MTCL2: variants seen among roughly 807,000 people sequenced by gnomAD.
The protein encoded by MTCL2 is microtubule crosslinking factor 2, also known as microtubule cross-linking factor 2.
the MTCL2 span, chr20:36,797,627 C>T: frequency 6.6e-7 from 1 of 1,510,276 alleles, no homozygotes; most frequent in Non-Finnish European, 9.0e-7. Context: ...GTATGCAGGA[C>T]CCTGCTCTAA....
At chr20:36,801,025 G>A in the MTCL2 span, among the ~76,000 whole-genome samples, 1 of 152,174 alleles carries the variant, frequency 6.6e-6, no homozygotes, top group South Asian at 2.1e-4. Flanking sequence ...GATGTTCACT[G>A]AGGCACAACT....
the MTCL2 span, chr20:36,793,188 A>G: frequency 6.8e-7 from 1 of 1,478,700 alleles, no homozygotes; most frequent in Non-Finnish European, 9.0e-7. This position sits in a 1 kb window ranked among gnomAD's most constrained non-coding sequence, Gnocchi z 6.8. Flanking sequence ...AAACCAAAAG[A>G]GCTTGGACCT....
the MTCL2 span, chr20:36,816,065 C>A: frequency 6.2e-7 from 1 of 1,613,484 alleles, no homozygotes; most frequent in Non-Finnish European, 8.5e-7. Context: ...GGCGGCTCAG[C>A]AGGTTGGCTT....
chr20:36,830,533 A>T, the MTCL2 span, among the ~76,000 whole-genome samples: 1 of 152,148 alleles, frequency 6.6e-6, no homozygotes, highest in South Asian at 2.1e-4. Flanking sequence ...GTGCCACTGC[A>T]CTCCAGCCTA....
chr20:36,793,658 C>T, the MTCL2 span: 4 of 1,550,518 alleles, frequency 2.6e-6, no homozygotes, highest in Admixed American at 2.0e-5. The surrounding 1 kb of genome is among the most constrained non-coding windows in gnomAD (Gnocchi z 6.8). Flanking sequence ...GGTGGTGGAG[C>T]GGGCCCAGGC....
At chr20:36,796,845 G>A in the MTCL2 span, 5 of 1,609,714 alleles carry the variant, frequency 3.1e-6, no homozygotes, top group Middle Eastern at 1.7e-4. Flanking sequence ...TGTGGGGCCG[G>A]TCAGAGAGGC....
the MTCL2 span, chr20:36,793,552 T>C: frequency 6.4e-7 from 1 of 1,551,684 alleles, no homozygotes; most frequent in Non-Finnish European, 8.7e-7. The surrounding 1 kb of genome is among the most constrained non-coding windows in gnomAD (Gnocchi z 6.8). Flanking sequence ...ACATGCCTAG[T>C]TTCCAGACAG....
At chr20:36,783,645 C>T in the MTCL2 span, 11 of 432,144 alleles carry the variant, frequency 2.5e-5, no homozygotes, top group South Asian at 9.9e-5. Context: ...AGAACGGGTT[C>T]GAGAAGGGCA....
At chr20:36,804,086 C>T in the MTCL2 span, among the ~76,000 whole-genome samples, 1 of 152,150 alleles carries the variant, frequency 6.6e-6, no homozygotes, top group East Asian at 1.9e-4. Flanking sequence ...AATTTAACTC[C>T]TCTGTGCCAG....
the MTCL2 span, among the ~76,000 whole-genome samples, chr20:36,804,421 T>C: frequency 2.0e-5 from 3 of 152,166 alleles, no homozygotes; most frequent in African/African-American, 7.2e-5. Context: ...CAGTTGGGGC[T>C]GAGGGAGTGC....
At chr20:36,819,017 A>G in the MTCL2 span, among the ~76,000 whole-genome samples, 7 of 152,252 alleles carry the variant, frequency 4.6e-5, no homozygotes, top group Admixed American at 4.6e-4. Flanking sequence ...CACCTATCAG[A>G]TTGGCAAAAA....
At chr20:36,839,210 G>A in the MTCL2 span, 5 of 1,587,090 alleles carry the variant, frequency 3.2e-6, no homozygotes, top group East Asian at 1.1e-4. The surrounding 1 kb of genome is among the most constrained non-coding windows in gnomAD (Gnocchi z 5.1). Flanking sequence ...CCCGAGCCCA[G>A]GCTGACCTTG....
At chr20:36,839,515 A>C in the MTCL2 span, 1 of 1,397,322 alleles carries the variant, frequency 7.2e-7, no homozygotes. The surrounding 1 kb of genome is among the most constrained non-coding windows in gnomAD (Gnocchi z 5.1). Context: ...GGCCACACCT[A>C]GGACTGAATG....
At chr20:36,860,156 T>C in the MTCL2 span, among the ~76,000 whole-genome samples, 5 of 152,050 alleles carry the variant, frequency 3.3e-5, no homozygotes, top group Non-Finnish European at 5.9e-5. Context: ...CCACACTCCT[T>C]CCCCTCTCTG....
At chr20:36,819,840 G>A in the MTCL2 span, among the ~76,000 whole-genome samples, 3 of 152,286 alleles carry the variant, frequency 2.0e-5, no homozygotes, top group South Asian at 2.1e-4. Flanking sequence ...TATTTCAGAC[G>A]CTGGGTGCCA....
the MTCL2 span, among the ~76,000 whole-genome samples, chr20:36,852,414 T>C: frequency 6.6e-6 from 1 of 152,176 alleles, no homozygotes; most frequent in African/African-American, 2.4e-5. Context: ...AGGGCAGCCA[T>C]CTGCCGTCCC....
At chr20:36,854,646 G>T in the MTCL2 span, among the ~76,000 whole-genome samples, 1 of 152,120 alleles carries the variant, frequency 6.6e-6, no homozygotes, top group African/African-American at 2.4e-5. Context: ...GAGGGGAGAG[G>T]CTGGTGCAAC....
chr20:36,794,768 T>TC, the MTCL2 span: 1 of 841,666 alleles, frequency 1.2e-6, no homozygotes, highest in Admixed American at 2.6e-5. This position sits in a 1 kb window ranked among gnomAD's most constrained non-coding sequence, Gnocchi z 5.4. Flanking sequence ...GTCTGCATTT[T>TC]CTTTTTTTTT....
At chr20:36,797,525 T>C in the MTCL2 span, 1 of 1,555,654 alleles carries the variant, frequency 6.4e-7, no homozygotes, top group Non-Finnish European at 8.7e-7. Flanking sequence ...TTGTCCTGCT[T>C]CTCCAGCTCC....
Sources: gnomAD v4.1 joint callset for allele counts (sites outside exome capture counted in the v4.1 genomes callset) on GRCh38, gnomAD v4.1.1 for gene constraint, Gnocchi (gnomAD v3.1) non-coding constraint, MANE v1.5 for transcripts, NCBI Gene and HGNC (gene_info 2026-07-23, HGNC 2026-07-21) for gene names.